Variants in ZMAT4 observed in about 807,000 individuals in gnomAD.
ZMAT4 encodes zinc finger matrin-type 4.
ZMAT4 carries 17 observed loss-of-function variants against 28.7 expected under a neutral mutation model. That is an observed-to-expected ratio of 0.59 (90% CI 0.41 to 0.89). The LOEUF is 0.89. ZMAT4 is among the 40% of genes least tolerant of loss of function. ZMAT4 has a pLI of 0.00. For synonymous variants in ZMAT4, 117 were observed against 109.2 expected (o/e 1.07, Z -0.44); for missense variants, 240 against 283.8 (o/e 0.85, Z 1.11).
At chr8:40,662,852 G>A (rs986341684) in intron 5 of ZMAT4, among the ~76,000 whole-genome samples, 3 of 151,972 alleles carry the variant, frequency 2.0e-5, no homozygotes, top group African/African-American at 7.2e-5. Flanking sequence ...TTGCTAACTG[G>A]GAGAGCACTC....
intron 2 of ZMAT4, among the ~76,000 whole-genome samples, chr8:40,787,197 A>G (rs1397204260): frequency 6.6e-6 from 1 of 152,232 alleles, no homozygotes; most frequent in Admixed American, 6.5e-5. Flanking sequence ...TCTGAAATCA[A>G]TGACCTCAGC....
intron 5 of ZMAT4, among the ~76,000 whole-genome samples, chr8:40,653,064 A>C (rs4737160): frequency 0.06 from 9,152 of 151,954 alleles, 698 homozygotes; most frequent in East Asian, 0.43. Context: ...GCACATGTAC[A>C]CTAAAACTTA....
chr8:40,545,621 T>C (rs958709270), intron 6 of ZMAT4, among the ~76,000 whole-genome samples: 1 of 152,140 alleles, frequency 6.6e-6, no homozygotes, highest in Admixed American at 6.6e-5. Context: ...GAAAGCCATG[T>C]GAAGACTGGA....
intron 5 of ZMAT4, among the ~76,000 whole-genome samples, chr8:40,595,819 C>T (rs1435356646): frequency 6.6e-6 from 1 of 152,098 alleles, no homozygotes; most frequent in East Asian, 1.9e-4. Context: ...CACGGTGGCT[C>T]ACTCCTGTAA....
At chr8:40,697,517 G>GTCTCTC (rs57195391) in intron 3 of ZMAT4, 116 bp from the exon 4 acceptor site, 35 of 981,974 alleles carry the variant, frequency 3.6e-5, no homozygotes, top group South Asian at 2.5e-4. Context: ...TCTGCAAGCT[G>GTCTCTC]TCTCTCTCTC....
At chr8:40,717,873 G>T (rs1311649627) in intron 3 of ZMAT4, among the ~76,000 whole-genome samples, 6 of 145,358 alleles carry the variant, frequency 4.1e-5, no homozygotes, top group Non-Finnish European at 7.5e-5. Flanking sequence ...TTTTAAATTT[G>T]CAGAAAGTAC....
At chr8:40,780,773 G>A (rs986134420) in intron 2 of ZMAT4, among the ~76,000 whole-genome samples, 1 of 152,122 alleles carries the variant, frequency 6.6e-6, no homozygotes. Flanking sequence ...CACATTTATA[G>A]AAGGAAAGGC....
intron 3 of ZMAT4, among the ~76,000 whole-genome samples, chr8:40,711,942 T>G (rs1408067044): frequency 6.6e-6 from 1 of 152,186 alleles, no homozygotes; most frequent in African/African-American, 2.4e-5. Context: ...TTTTCTAAAT[T>G]TTGTATGTGG....
chr8:40,842,713 G>C (rs1238580927), intron 1 of ZMAT4, among the ~76,000 whole-genome samples: 1 of 152,192 alleles, frequency 6.6e-6, no homozygotes, highest in Non-Finnish European at 1.5e-5. Context: ...AATAATGATG[G>C]AGCTGTGACA....
intron 4 of ZMAT4, among the ~76,000 whole-genome samples, chr8:40,680,095 CCTT>C (rs1809091393): frequency 6.6e-6 from 1 of 152,158 alleles, no homozygotes; most frequent in Admixed American, 6.5e-5. Flanking sequence ...CAGTCTCTCT[CCTT>C]CTTTTGGATT....
chr8:40,693,053 A>G (rs1435933562), intron 4 of ZMAT4, among the ~76,000 whole-genome samples: 3 of 152,130 alleles, frequency 2.0e-5, no homozygotes, highest in Non-Finnish European at 2.9e-5. Flanking sequence ...TGCAACTGTA[A>G]CTAGTTAAGC....
chr8:40,733,951 A>G (rs1811649112), intron 3 of ZMAT4, among the ~76,000 whole-genome samples: 2 of 152,268 alleles, frequency 1.3e-5, no homozygotes, highest in Admixed American at 1.3e-4. Context: ...GTGATCTGTA[A>G]AAACAAGATA....
intron 2 of ZMAT4, among the ~76,000 whole-genome samples, chr8:40,820,276 ATGTGTATTTATG>A (rs1234859632): frequency 6.9e-6 from 1 of 144,758 alleles, no homozygotes; most frequent in Non-Finnish European, 1.5e-5. Flanking sequence ...GTGTCTGTAG[ATGTGTATTTATG>A]TGTGTATGTG....
intron 6 of ZMAT4, among the ~76,000 whole-genome samples, chr8:40,578,704 A>G (rs1804352028): frequency 6.6e-6 from 1 of 152,204 alleles, no homozygotes; most frequent in South Asian, 2.1e-4. Context: ...GAAACAGGAC[A>G]GTGTAATTAT....
chr8:40,561,549 T>C (rs1803739529), intron 6 of ZMAT4, among the ~76,000 whole-genome samples: 1 of 152,058 alleles, frequency 6.6e-6, no homozygotes, highest in South Asian at 2.1e-4. Flanking sequence ...CAGCTGGTGC[T>C]CAGGGTCTGA....
intron 4 of ZMAT4, 71 bp from the exon 5 acceptor site, chr8:40,675,002 C>T (rs908991963): frequency 1.6e-5 from 20 of 1,235,414 alleles, no homozygotes; most frequent in Non-Finnish European, 1.9e-5. Context: ...CCTCAATACC[C>T]GAAGACCAAA....
chr8:40,624,697 C>G (rs747173766), intron 5 of ZMAT4, among the ~76,000 whole-genome samples: 4 of 152,172 alleles, frequency 2.6e-5, no homozygotes, highest in Non-Finnish European at 5.9e-5. Flanking sequence ...CTGCCTAGGA[C>G]TAAAGGATTC....
At chr8:40,548,382 T>G (rs1043111151) in intron 6 of ZMAT4, among the ~76,000 whole-genome samples, 6 of 152,178 alleles carry the variant, frequency 3.9e-5, no homozygotes, top group Non-Finnish European at 7.3e-5. Context: ...TAAAATGCTA[T>G]TTTGAAAGCT....
chr8:40,731,071 C>G (rs1013503045), intron 3 of ZMAT4, among the ~76,000 whole-genome samples: 3 of 149,656 alleles, frequency 2.0e-5, no homozygotes, highest in Non-Finnish European at 3.0e-5. Context: ...TATCAAGGAT[C>G]TGCACCCTAA....
Sources: allele counts gnomAD v4.1 joint callset (sites outside exome capture counted in the v4.1 genomes callset), GRCh38; gene constraint gnomAD v4.1.1; transcripts MANE v1.5; gene names NCBI Gene and HGNC (gene_info 2026-07-23, HGNC 2026-07-21).